Variants in TNNT2 observed in about 807,000 individuals in gnomAD.
TNNT2 encodes the protein troponin T, cardiac muscle.
A neutral mutation model predicts 62.4 loss-of-function variants in TNNT2; 34 were observed. The ratio of observed to expected loss-of-function variants is 0.54; its 90% CI spans 0.41 to 0.72. TNNT2 has a LOEUF of 0.72. Among genes scored for constraint, TNNT2 ranks in the 30% least tolerant of loss-of-function variants. The pLI is 0.00. For missense variants in TNNT2, 275 were observed against 381.9 expected (o/e 0.72, Z 2.33); for synonymous variants, 123 against 127.2 (o/e 0.97, Z 0.22).
intron 15 of TNNT2, 112 bp from the exon 16 acceptor site, chr1:201,359,775 G>A (rs1658265801): frequency 1.1e-6 from 1 of 913,256 alleles, no homozygotes; most frequent in Non-Finnish European, 1.8e-6. Context: ...AGGAGGAGAA[G>A]GAGGAGCATG....
intron 4 of TNNT2, among the ~76,000 whole-genome samples, chr1:201,371,118 T>C (rs1660548629): frequency 6.6e-6 from 1 of 151,974 alleles, no homozygotes; most frequent in Admixed American, 6.6e-5. Context: ...CCACCTGGGC[T>C]CCCCCCTTGG....
intron 5 of TNNT2, chr1:201,369,421 T>C (rs1446855236): frequency 6.3e-6 from 3 of 478,246 alleles, no homozygotes; most frequent in Non-Finnish European, 1.3e-5. Flanking sequence ...GCCACCCTGC[T>C]TGGTGCTGTC....
At chr1:201,367,486 G>T in intron 7 of TNNT2, 1 of 574,530 alleles carries the variant, frequency 1.7e-6, no homozygotes, top group Non-Finnish European at 3.1e-6. Flanking sequence ...GGAGCTTCAT[G>T]TGTGGATATG....
At position 201,362,251 on chromosome 1, in the gene TNNT2, T is replaced by C. The variant is rs11806184; in HGVS notation, c.609+135A>G. Reference sequence around the variant, plus strand: ...TCCTTCTTTGCCTAACTAATCTCTTTCACCTCTCACCAGCTTCCCCCCTCC... The same window carrying C: ...TCCTTCTTTGCCTAACTAATCTCTTCCACCTCTCACCAGCTTCCCCCCTCC... On this transcript the variant is annotated intron_variant, in intron 13 of 16. Coordinates refer to ENST00000656932, the MANE Select transcript of TNNT2 (RefSeq NM_001276345.2). 164,022 of 1,447,978 alleles carry C rather than the reference T, an allele frequency of 0.11. 10,670 individuals carry two copies. The highest frequency in any genetic ancestry group is 0.24 in the East Asian group (9,919 of 40,686). 89.7% of individuals were successfully genotyped at this position (1,447,978 alleles called of 1,614,324 possible).
chr1:201,367,092 A>C (rs1158764425), intron 7 of TNNT2: 1 of 687,180 alleles, frequency 1.5e-6, no homozygotes, highest in African/African-American at 1.8e-5. Flanking sequence ...TGCAGGGCAC[A>C]CACTCACGCA....
intron 5 of TNNT2, 183 bp from the exon 6 acceptor site, chr1:201,368,410 C>G: frequency 1.5e-6 from 1 of 680,772 alleles, no homozygotes; most frequent in South Asian, 1.5e-5. Context: ...TCGGCTACCT[C>G]CCGCCACCCA....
intron 11 of TNNT2, 161 bp from the exon 12 acceptor site, chr1:201,363,567 AG>A: frequency 1.5e-6 from 1 of 661,476 alleles, no homozygotes; most frequent in East Asian, 2.7e-5. Flanking sequence ...GGCCCACAGG[AG>A]TCCACTGACT....
chr1:201,365,773 C>T, intron 8 of TNNT2, 103 bp from the exon 9 acceptor site: 1 of 1,558,474 alleles, frequency 6.4e-7, no homozygotes, highest in Non-Finnish European at 8.7e-7. Context: ...AATCTTCCAG[C>T]ACTGCCCCGA....
At chr1:201,370,573 G>T (rs935764737) in intron 4 of TNNT2, among the ~76,000 whole-genome samples, 2 of 152,234 alleles carry the variant, frequency 1.3e-5, no homozygotes, top group African/African-American at 2.4e-5. Flanking sequence ...TATCTATCCT[G>T]CAGGCTTAGT....
At chr1:201,373,534 A>G in intron 1 of TNNT2, 1 of 521,596 alleles carries the variant, frequency 1.9e-6, no homozygotes, top group South Asian at 2.0e-5. Context: ...CTGCATTTCC[A>G]TTTGTGACAC....
chr1:201,373,091 TGCCCA>T, intron 2 of TNNT2, 118 bp downstream of exon 2: 1 of 957,542 alleles, frequency 1.0e-6, no homozygotes, highest in Non-Finnish European at 1.7e-6. Flanking sequence ...CTCCTCGGGG[TGCCCA>T]AAACACACAC....
chr1:201,368,336 C>A, intron 5 of TNNT2, 109 bp from the exon 6 acceptor site: 2 of 1,155,974 alleles, frequency 1.7e-6, no homozygotes, highest in Non-Finnish European at 2.5e-6. Context: ...GTCAAGACGT[C>A]TAGGTCCAGA....
At chr1:201,371,546 G>C (rs780553119) in intron 4 of TNNT2, among the ~76,000 whole-genome samples, 1 of 152,082 alleles carries the variant, frequency 6.6e-6, no homozygotes, top group Admixed American at 6.6e-5. Flanking sequence ...TTAGAGATAC[G>C]GTGTAGCGAA....
chr1:201,366,730 A>C (rs1659724393), intron 8 of TNNT2, 108 bp downstream of exon 8: 1 of 1,606,628 alleles, frequency 6.2e-7, no homozygotes, highest in Admixed American at 1.7e-5. Context: ...CTCTGTGCCC[A>C]CCAAACCCCC....
chr1:201,362,239 A>G, intron 13 of TNNT2, 147 bp downstream of exon 13: 1 of 1,392,944 alleles, frequency 7.2e-7, no homozygotes, highest in East Asian at 2.5e-5. Flanking sequence ...TTCTTTGCCT[A>G]ACTAATCTCT....
chr1:201,373,136 G>T, intron 2 of TNNT2, 78 bp downstream of exon 2: 3 of 1,419,918 alleles, frequency 2.1e-6, no homozygotes, highest in Non-Finnish European at 3.0e-6. Context: ...CCGAGGGACA[G>T]CTGGGAGGCT....
Position 201,368,225 on chromosome 1 carries a change from G to T in TNNT2, c.100C>A (p.Gln34Lys), listed in dbSNP as rs1350800220. The T allele has an allele frequency of 2.5e-6, 4 of 1,613,880 alleles. No homozygotes were observed. In the East Asian group the frequency reaches 8.9e-5, roughly 36 times the overall value. The change falls in exon 6 of 17, where the codon CAG (glutamine) becomes AAG (lysine). Residue 34 changes from glutamine to lysine, a missense_variant and splice_region_variant. Transcript: ENST00000656932. Reference sequence around the variant, plus strand: ...GCATCCTCTTCCGCTGCCTCCTCCTGCTCTGGAGAAGTGAAGCAGACAGAG... The same window carrying T: ...GCATCCTCTTCCGCTGCCTCCTCCTTCTCTGGAGAAGTGAAGCAGACAGAG... ...EEDWREDEDE[Q>K]EEAAEEDAEA... is the part of the protein sequence containing the mutation.
At chr1:201,365,862 GCTCTT>G in intron 8 of TNNT2, 192 bp from the exon 9 acceptor site, 1 of 1,468,942 alleles carries the variant, frequency 6.8e-7, no homozygotes, top group Non-Finnish European at 9.0e-7. Context: ...AATACACAAA[GCTCTT>G]TCACATATGC....
intron 1 of TNNT2, 85 bp from the exon 2 acceptor site, chr1:201,373,353 C>A: frequency 8.2e-7 from 1 of 1,212,710 alleles, no homozygotes; most frequent in South Asian, 1.2e-5. Context: ...GTACAGAGAT[C>A]AGCGAGGCCT....
Sources: allele counts gnomAD v4.1 joint callset (sites outside exome capture counted in the v4.1 genomes callset), GRCh38; gene constraint gnomAD v4.1.1; transcripts MANE v1.5; gene names NCBI Gene and HGNC (gene_info 2026-07-23, HGNC 2026-07-21).